The following WDR64 variants were observed in gnomAD, a reference collection of about 807,000 sequenced individuals.
WDR64 encodes the protein WD repeat domain 64, also known as WD repeat-containing protein 64.
In WDR64, 112 loss-of-function variants were observed where a neutral mutation model predicts 139.3. That is an observed-to-expected ratio of 0.80 (90% confidence interval 0.69 to 0.94). The LOEUF is 0.94. WDR64 is among the 40% of genes least tolerant of loss of function. The pLI, the probability that WDR64 is intolerant of heterozygous loss-of-function variation, is 0.00. For missense variants in WDR64, 1,206 were observed against 1,293.1 expected, an observed-to-expected ratio of 0.93 and a Z score of 1.03; for synonymous variants, 444 against 437.7, an observed-to-expected ratio of 1.01 and a Z score of -0.18.
At chr1:241,672,892 C>T (rs1042847576) in intron 3 of WDR64, among the ~76,000 whole-genome samples, 1 of 152,092 alleles carries the variant, frequency 6.6e-6, no homozygotes, top group Non-Finnish European at 1.5e-5. Context: ...TGTACTGGGA[C>T]TTGTATGACA....
chr1:241,713,793 T>A (rs1200609954), intron 9 of WDR64, among the ~76,000 whole-genome samples: 2 of 152,084 alleles, frequency 1.3e-5, no homozygotes, highest in Non-Finnish European at 2.9e-5. Flanking sequence ...GTGCTATTAT[T>A]TAAAAAAAGA....
At chr1:241,673,392 T>C (rs1208337944) in intron 3 of WDR64, among the ~76,000 whole-genome samples, 3 of 152,244 alleles carry the variant, frequency 2.0e-5, no homozygotes, top group East Asian at 3.9e-4. Flanking sequence ...AGAATGATGG[T>C]GGCTTGCAAT....
At chr1:241,664,460 C>T (rs1423344225) in intron 2 of WDR64, among the ~76,000 whole-genome samples, 4 of 152,188 alleles carry the variant, frequency 2.6e-5, no homozygotes, top group Admixed American at 6.5e-5. Context: ...AGAAAAGCAA[C>T]GCTCTAAAGA....
Position 241,656,870 on chromosome 1 carries a change from TTG to T in WDR64, c.146-3620_146-3619del, listed in dbSNP as rs199635140. Among the ~76,000 whole-genome samples, 2,470 of 86,654 alleles carry T rather than the reference TTG, an allele frequency of 0.029. 32 individuals carry two copies. The highest frequency in any genetic ancestry group is 0.071 in the African/African-American group (1,601 of 22,472). The allele number at this position is 86,654 out of a possible 152,430, so 56.8% of individuals were successfully genotyped here. A position where few individuals can be genotyped will look rare whatever the true frequency, so the allele number is the denominator to read the frequency against. On this transcript the variant is annotated intron_variant, in intron 1 of 27. Coordinates refer to ENST00000437684, the MANE Select transcript of WDR64 (RefSeq NM_001367482.1). This position sits in a 1 kb window ranked among gnomAD's most constrained non-coding sequence, Gnocchi z 4.3. Reference sequence around the variant, plus strand: ...AAATGTCTCAAGTCTTTGCCAAATGTTGTGTGTGTGTGTGTGTGTGTGTGTGT... The same window carrying T: ...AAATGTCTCAAGTCTTTGCCAAATGTTGTGTGTGTGTGTGTGTGTGTGTGT...
In WDR64 at chr1:241,656,066, A is replaced by C. The variant is rs1413458232; in HGVS notation, c.145+3437A>C. Among the ~76,000 whole-genome samples the C allele has an allele frequency of 1.3e-5, 2 of 152,030 alleles. No individual in the cohort carries two copies. The highest frequency in any genetic ancestry group is 2.9e-5 in the Non-Finnish European group (2 of 68,010). ...CTTGCAATCACAAAGCCACACTGAA[A>C]ATTTCCTTTCTCTATAGTTTTCAAG... On this transcript the variant is annotated intron_variant, in intron 1 of 27. Coordinates refer to ENST00000437684, the MANE Select transcript of WDR64 (RefSeq NM_001367482.1). This position sits in a 1 kb window ranked among gnomAD's most constrained non-coding sequence, Gnocchi z 4.3.
At chr1:241,792,164 T>C (rs1006751351) in intron 25 of WDR64, among the ~76,000 whole-genome samples, 8 of 152,188 alleles carry the variant, frequency 5.3e-5, no homozygotes, top group African/African-American at 1.9e-4. Context: ...TACAATTTAG[T>C]TCCCCGGGAT....
chr1:241,703,887 C>T lies in WDR64; in HGVS notation c.975-7915C>T, dbSNP rs556560585. On this transcript the variant is annotated intron_variant, in intron 8 of 27. Transcript: ENST00000437684. This position sits in a 1 kb window ranked among gnomAD's most constrained non-coding sequence, Gnocchi z 5.9. Reference sequence around the variant, plus strand: ...AAAAGTGAGCAAAAGAGGAACTTGCCAAACACTTATAAAATCATCAGATCT... The same window carrying T: ...AAAAGTGAGCAAAAGAGGAACTTGCTAAACACTTATAAAATCATCAGATCT... Among the ~76,000 whole-genome samples the T allele has an allele frequency of 1.3e-5, 2 of 152,044 alleles. No homozygotes were observed. The highest frequency in any genetic ancestry group is 1.3e-4 in the Admixed American group (2 of 15,264).
chr1:241,782,498 G>T (rs575817495), intron 22 of WDR64, among the ~76,000 whole-genome samples: 30 of 152,290 alleles, frequency 2.0e-4, no homozygotes, highest in Admixed American at 3.3e-4. Flanking sequence ...ACAAAGTAAG[G>T]TGTCAGTCCG....
At chr1:241,729,942 T>C (rs79862199) in intron 10 of WDR64, among the ~76,000 whole-genome samples, 23,932 of 152,194 alleles carry the variant, frequency 0.16, 2,209 homozygotes, top group East Asian at 0.28. Context: ...CCTCATTCTG[T>C]GGCTTGGAAC....
chr1:241,778,929 G>C (rs1658753129), intron 21 of WDR64, among the ~76,000 whole-genome samples: 1 of 151,976 alleles, frequency 6.6e-6, no homozygotes, highest in African/African-American at 2.4e-5. Context: ...CAAAAATAAA[G>C]TTTTTATTTT....
chr1:241,796,060 C>G (rs1451142427), intron 26 of WDR64, among the ~76,000 whole-genome samples, 197 bp from the exon 27 acceptor site: 1 of 151,540 alleles, frequency 6.6e-6, no homozygotes, highest in Admixed American at 6.6e-5. Context: ...CCAGCCTGGG[C>G]AACATAATGG....
chr1:241,667,591 T>C (rs1666069912), intron 2 of WDR64, among the ~76,000 whole-genome samples: 2 of 152,168 alleles, frequency 1.3e-5, no homozygotes, highest in South Asian at 4.1e-4. Context: ...GATGGGGGAC[T>C]TGAAGTTCCA....
In WDR64 at chr1:241,665,035, AAGAAGAAGAAGG is replaced by A. The variant is rs1375616351; in HGVS notation, c.276+4381_276+4392del. On this transcript the variant is annotated intron_variant, in intron 2 of 27. Coordinates refer to ENST00000437684, the MANE Select transcript of WDR64 (RefSeq NM_001367482.1). ...AACATGGTAAGACCCTGTCTCTATG[AAGAAGAAGAAGG>A]AGAAGGAGAAGGAGAGAGAAGAAGA... is the stretch of plus-strand genomic sequence containing the variant. 2.4e-3 allele frequency among the ~76,000 whole-genome samples: 366 copies of A among 152,268 alleles called. 3 individuals are homozygous for A. The highest frequency in any genetic ancestry group is 8.6e-3 in the African/African-American group (358 of 41,562).
At chr1:241,757,649 GTTTTTTT>G (rs35256499) in intron 15 of WDR64, among the ~76,000 whole-genome samples, 190 bp downstream of exon 15, 1 of 95,228 alleles carries the variant, frequency 1.1e-5, no homozygotes, top group Non-Finnish European at 2.0e-5. Context: ...CAATGGATTT[GTTTTTTT>G]TTTTTTTTTT....
chr1:241,795,623 T>C (rs1208669705), intron 26 of WDR64, among the ~76,000 whole-genome samples: 1 of 152,166 alleles, frequency 6.6e-6, no homozygotes, highest in Non-Finnish European at 1.5e-5. Flanking sequence ...ACTCTGCCTA[T>C]ATTCCAACCA....
At chr1:241,793,921 C>T (rs1468790043) in intron 25 of WDR64, among the ~76,000 whole-genome samples, 72 of 152,182 alleles carry the variant, frequency 4.7e-4, no homozygotes, top group Admixed American at 4.6e-3. Context: ...GTGGCTCACG[C>T]CTATAATCTC....
chr1:241,688,997 G>C (rs1456432515), intron 8 of WDR64, among the ~76,000 whole-genome samples: 1 of 152,128 alleles, frequency 6.6e-6, no homozygotes, highest in African/African-American at 2.4e-5. Context: ...TGTTATCAGA[G>C]TCTAAGCTAT....
intron 18 of WDR64, among the ~76,000 whole-genome samples, chr1:241,771,251 G>A (rs1028295045): frequency 2.0e-5 from 3 of 152,200 alleles, no homozygotes; most frequent in Non-Finnish European, 2.9e-5. Flanking sequence ...CAGACAGATT[G>A]TACTTGAACC....
At chr1:241,799,555 G>A (rs1356944913) in intron 27 of WDR64, among the ~76,000 whole-genome samples, 1 of 151,876 alleles carries the variant, frequency 6.6e-6, no homozygotes, top group Non-Finnish European at 1.5e-5. Context: ...TTTCATCTTT[G>A]CAACAACACT....
Sources: allele counts gnomAD v4.1 joint callset (sites outside exome capture counted in the v4.1 genomes callset), GRCh38; gene constraint gnomAD v4.1.1; non-coding constraint Gnocchi (gnomAD v3.1); transcripts MANE v1.5; gene names NCBI Gene and HGNC (gene_info 2026-07-23, HGNC 2026-07-21).